The following NRXN1 variants were observed in gnomAD, a reference collection of about 807,000 sequenced individuals.
NRXN1 encodes neurexin 1, also known as neurexin-1.
Under a neutral mutation model 150.9 loss-of-function variants are expected in NRXN1, and 39 were observed. That is an observed-to-expected ratio of 0.26 (90% confidence interval 0.20 to 0.34). The LOEUF (loss-of-function observed/expected upper bound fraction) is 0.34, where lower values mean the gene tolerates loss of function less well. Ranked by LOEUF, NRXN1 falls within the 10% of genes least tolerant of loss-of-function variation. The pLI is 1.00. For missense variants in NRXN1, 1,815 were observed against 1,949.9 expected (o/e 0.93, Z 1.30); for synonymous variants, 924 against 757.0 (o/e 1.22, Z -3.62).
chr2:50,036,910 G>A (rs940492702), intron 21 of NRXN1, among the ~76,000 whole-genome samples: 4 of 152,120 alleles, frequency 2.6e-5, no homozygotes, highest in Non-Finnish European at 5.9e-5. Context: ...GTCCAGTTGA[G>A]ATCAGCTAAA....
At chr2:50,968,671 G>A (rs988120519) in intron 2 of NRXN1, among the ~76,000 whole-genome samples, 6 of 151,770 alleles carry the variant, frequency 4.0e-5, no homozygotes, top group Non-Finnish European at 7.4e-5. Context: ...TTTAATAAAA[G>A]AAAAATAAAT....
chr2:50,379,509 A>G (rs1465014352), intron 17 of NRXN1, among the ~76,000 whole-genome samples: 5 of 152,114 alleles, frequency 3.3e-5, no homozygotes, highest in Admixed American at 2.6e-4. Context: ...CACCATGGCT[A>G]TAAAACAGAC....
intron 17 of NRXN1, among the ~76,000 whole-genome samples, chr2:50,357,434 G>A (rs928223241): frequency 6.6e-6 from 1 of 151,856 alleles, no homozygotes; most frequent in Non-Finnish European, 1.5e-5. Context: ...TCAGCCTCCT[G>A]AGTAGCTGGG....
intron 2 of NRXN1, among the ~76,000 whole-genome samples, chr2:50,940,479 A>T (rs1689254608): frequency 6.6e-6 from 1 of 151,678 alleles, no homozygotes; most frequent in South Asian, 2.1e-4. Context: ...ATCTCAAAAA[A>T]AAAAAAAAAA....
chr2:50,474,124 G>A (rs2089765674), intron 15 of NRXN1, among the ~76,000 whole-genome samples: 1 of 151,768 alleles, frequency 6.6e-6, no homozygotes, highest in Non-Finnish European at 1.5e-5. Context: ...GGTCAGAGAG[G>A]GGATACTATT....
At chr2:50,247,527 T>A (rs1250806361) in intron 17 of NRXN1, among the ~76,000 whole-genome samples, 1 of 152,114 alleles carries the variant, frequency 6.6e-6, no homozygotes, top group African/African-American at 2.4e-5. Context: ...CTGTGCTATT[T>A]TTGGCAAAAA....
At chr2:50,232,264 G>A (rs2065008699) in intron 18 of NRXN1, among the ~76,000 whole-genome samples, 2 of 151,972 alleles carry the variant, frequency 1.3e-5, no homozygotes, top group Admixed American at 6.6e-5. Context: ...TGTATCCACA[G>A]AGCCTAACAT....
intron 18 of NRXN1, among the ~76,000 whole-genome samples, chr2:50,113,688 C>T (rs1478793726): frequency 6.6e-6 from 1 of 152,056 alleles, no homozygotes; most frequent in Non-Finnish European, 1.5e-5. Context: ...TTTGGCTATC[C>T]TTTTGTGACT....
At chr2:50,849,302 T>C (rs1674158478) in intron 5 of NRXN1, among the ~76,000 whole-genome samples, 1 of 152,300 alleles carries the variant, frequency 6.6e-6, no homozygotes, top group South Asian at 2.1e-4. Flanking sequence ...CACTTGGAAT[T>C]GTAAATTCTT....
intron 17 of NRXN1, among the ~76,000 whole-genome samples, chr2:50,275,512 A>G (rs1397514889): frequency 6.6e-6 from 1 of 152,070 alleles, no homozygotes; most frequent in African/African-American, 2.4e-5. Context: ...AAAAAAAAAA[A>G]TCTATTCATG....
At chr2:50,677,784 G>C (rs186047049) in intron 5 of NRXN1, among the ~76,000 whole-genome samples, 1 of 152,078 alleles carries the variant, frequency 6.6e-6, no homozygotes, top group Non-Finnish European at 1.5e-5. Flanking sequence ...TCAGTATTTG[G>C]AAAAGCAGGT....
At chr2:50,278,291 T>C (rs1454856442) in intron 17 of NRXN1, among the ~76,000 whole-genome samples, 1 of 126,182 alleles carries the variant, frequency 7.9e-6, no homozygotes, top group Non-Finnish European at 1.6e-5. Context: ...ATATAATACA[T>C]ATATAATATA....
intron 17 of NRXN1, among the ~76,000 whole-genome samples, chr2:50,406,849 C>T (rs1335879207): frequency 6.6e-6 from 1 of 152,140 alleles, no homozygotes; most frequent in Non-Finnish European, 1.5e-5. Flanking sequence ...TAGGTCTAAA[C>T]TTCAAATGCA....
chr2:49,931,207 T>A lies in NRXN1; in HGVS notation c.4217-8956A>T, dbSNP rs564155973. 3.9e-5 allele frequency among the ~76,000 whole-genome samples: 6 copies of A among 152,302 alleles called. No individual in the cohort carries two copies. The East Asian group carries it at 1.2e-3, about 29-fold the overall frequency. ...ACTGACATTAACATCTCATATTTCT[T>A]TAACTCACTACTTCTCTAACCCTCA... On this transcript the variant is annotated intron_variant, in intron 22 of 22. Transcript: ENST00000401669.
intron 17 of NRXN1, among the ~76,000 whole-genome samples, chr2:50,289,873 T>C (rs2072693689): frequency 6.6e-6 from 1 of 152,144 alleles, no homozygotes; most frequent in African/African-American, 2.4e-5. Flanking sequence ...TTTAGCAAAT[T>C]CATTAATTTT....
chr2:50,999,138 A>G, intron 2 of NRXN1, among the ~76,000 whole-genome samples: 1 of 152,062 alleles, frequency 6.6e-6, no homozygotes, highest in East Asian at 1.9e-4. Flanking sequence ...TTTATCCTCT[A>G]TGCAATTTGT....
At chr2:50,155,772 T>C (rs1414908819) in intron 18 of NRXN1, among the ~76,000 whole-genome samples, 1 of 151,534 alleles carries the variant, frequency 6.6e-6, no homozygotes, top group Admixed American at 6.6e-5. Context: ...ATAAAATAAG[T>C]ATGGTGTATT....
chr2:50,873,255 A>G (rs1191023279), intron 5 of NRXN1, among the ~76,000 whole-genome samples: 1 of 151,878 alleles, frequency 6.6e-6, no homozygotes, highest in African/African-American at 2.4e-5. Flanking sequence ...ATATAATAAC[A>G]CTATATAAAC....
intron 17 of NRXN1, among the ~76,000 whole-genome samples, chr2:50,284,067 C>T (rs1008379838): frequency 7.2e-5 from 11 of 152,132 alleles, no homozygotes; most frequent in Non-Finnish European, 4.4e-5. Flanking sequence ...AATGGTATTA[C>T]AGATTCCTAT....
Sources: gnomAD v4.1 joint callset for allele counts (sites outside exome capture counted in the v4.1 genomes callset) on GRCh38, gnomAD v4.1.1 for gene constraint, MANE v1.5 for transcripts, NCBI Gene and HGNC (gene_info 2026-07-23, HGNC 2026-07-21) for gene names.